The following NDRG4 variants were observed in gnomAD, a reference collection of about 807,000 sequenced individuals.
NDRG4 encodes protein NDRG4.
NDRG4 carries 38 observed loss-of-function variants against 55.8 expected under a neutral mutation model. The ratio of observed to expected loss-of-function variants is 0.68; its 90% confidence interval spans 0.53 to 0.89. NDRG4 has a LOEUF of 0.89. NDRG4 is among the 40% of genes least tolerant of loss of function. NDRG4 has a pLI of 0.00. For synonymous variants in NDRG4, 190 were observed against 182.7 expected (o/e 1.04, Z -0.32); for missense variants, 455 against 468.6 (o/e 0.97, Z 0.27).
intron 13 of NDRG4, 67 bp from the exon 14 acceptor site, chr16:58,510,578 C>T: frequency 7.3e-7 from 1 of 1,373,384 alleles, no homozygotes; most frequent in South Asian, 1.2e-5. Context: ...ACTCAGCGGA[C>T]CACGCTCTTC....
At chr16:58,500,139 C>T, upstream of NDRG4, 2 of 1,534,802 alleles carry the variant, frequency 1.3e-6, no homozygotes, top group South Asian at 1.2e-5. Context: ...AGCTGTGCCC[C>T]ATCACAGAGC....
intron 1 of NDRG4, among the ~76,000 whole-genome samples, chr16:58,465,962 GCCACTGAACTTGTTAACCC>G: frequency 6.6e-6 from 1 of 152,172 alleles, no homozygotes; most frequent in Non-Finnish European, 1.5e-5. Flanking sequence ...AACCGCGCAG[GCCACTGAACTTGTTAACCC>G]CCTGGAGGGA....
chr16:58,475,727 G>T (rs2033532700), intron 1 of NDRG4: 1 of 449,670 alleles, frequency 2.2e-6, no homozygotes, highest in Admixed American at 2.4e-5. Flanking sequence ...GCCTAAAATG[G>T]CTGTTCAAGC....
At chr16:58,496,769 G>A (rs1474494561), upstream of NDRG4, 1 of 152,218 alleles carries the variant, frequency 6.6e-6, no homozygotes, top group African/African-American at 2.4e-5. Flanking sequence ...GTGGCCACCA[G>A]AGTGTGGAGT....
At chr16:58,475,759 C>T in intron 1 of NDRG4, 1 of 421,722 alleles carries the variant, frequency 2.4e-6, no homozygotes, top group South Asian at 1.7e-5. Flanking sequence ...CATCTGTATT[C>T]CAGCCAGGAG....
chr16:58,489,732 C>G (rs1372600905), intron 2 of NDRG4, among the ~76,000 whole-genome samples: 1 of 152,150 alleles, frequency 6.6e-6, no homozygotes, highest in Admixed American at 6.5e-5. Context: ...GTGGAAGCCA[C>G]AGATGGTGAT....
chr16:58,506,828 G>A, intron 7 of NDRG4, 84 bp from the exon 8 acceptor site: 1 of 1,365,438 alleles, frequency 7.3e-7, no homozygotes, highest in Non-Finnish European at 1.0e-6. Context: ...GGGCCACTCT[G>A]GCAGTGACAT....
chr16:58,513,828 C>T (rs2151870044), downstream of NDRG4, among the ~76,000 whole-genome samples: 1 of 152,150 alleles, frequency 6.6e-6, no homozygotes, highest in African/African-American at 2.4e-5. Context: ...CATGGTGGCG[C>T]GTGCCTGTAA....
chr16:58,464,395 G>T lies in NDRG4; in HGVS notation c.-24+598G>T. 7.3e-7 allele frequency: 1 copy of T among 1,368,048 alleles called. No individual in the cohort carries two copies. 84.7% of individuals were successfully genotyped at this position (1,368,048 alleles called of 1,614,324 possible). A position where few individuals can be genotyped will look rare whatever the true frequency, so the allele number is the denominator to read the frequency against. On this transcript the variant is annotated intron_variant, in intron 1 of 15. Transcript: ENST00000258187. The surrounding 1 kb of genome is among the most constrained non-coding windows in gnomAD (Gnocchi z 4.8). The stretch of plus-strand genomic sequence containing the variant: ...GCTCGGCCGAGCGCGCTGCCCCGAC[G>T]CCGCCACCCAGAGCCGGGCCGCGCC...
intron 12 of NDRG4, 52 bp from the exon 13 acceptor site, chr16:58,509,249 C>T: frequency 5.0e-6 from 8 of 1,613,844 alleles, no homozygotes; most frequent in Non-Finnish European, 6.8e-6. Flanking sequence ...TCTACCCTAC[C>T]TGCTAATCCT....
rs1361913241 is a variant in NDRG4, at chr16:58,492,543, TGTGTGTGTGA to T, written c.73-2419_73-2410del. 3.3e-3 allele frequency among the ~76,000 whole-genome samples: 205 copies of T among 61,522 alleles called. 2 individuals are homozygous for T. The highest frequency in any genetic ancestry group is 5.3e-3 in the Non-Finnish European group (163 of 31,012). 40.4% of individuals were successfully genotyped at this position (61,522 alleles called of 152,430 possible). On this transcript the variant is annotated intron_variant, in intron 2 of 15. Transcript: ENST00000258187. ...GTGTGTGTGTGTGTGTGTGTGTGTG[TGTGTGTGTGA>T]GAGACAGACAGACAGTCTCGCCCTG... is the stretch of plus-strand genomic sequence containing the variant.
chr16:58,506,254 G>A, intron 5 of NDRG4, 133 bp from the exon 6 acceptor site: 1 of 818,456 alleles, frequency 1.2e-6, no homozygotes, highest in Non-Finnish European at 2.1e-6. Flanking sequence ...GGGGCATCTG[G>A]ACATGGGTGT....
chr16:58,493,180 C>T (rs1302831004), intron 2 of NDRG4, among the ~76,000 whole-genome samples: 1 of 152,220 alleles, frequency 6.6e-6, no homozygotes. Context: ...CATTTTCCTC[C>T]TTGTACTTAC....
rs377508791 is a variant in NDRG4, at chr16:58,509,355, G to A, written c.865+3G>A. Reference sequence around the variant, plus strand: ...CTTCCTGCAAGGCATGGGCTACAGTGAGTACATTTCCACCCCACCCCACAC... The same window carrying A: ...CTTCCTGCAAGGCATGGGCTACAGTAAGTACATTTCCACCCCACCCCACAC... On this transcript the variant is annotated splice_donor_region_variant and intron_variant, in intron 13 of 14. Transcript: ENST00000570248. 22 of 1,613,342 alleles carry A rather than the reference G, an allele frequency of 1.4e-5. No homozygotes were observed. Among genetic ancestry groups the A allele is most frequent in the Middle Eastern group, 1.6e-4 (1 of 6,076 alleles).
chr16:58,501,298 ACCGGCGCAAAGC>A lies in NDRG4; in HGVS notation c.21+1035_21+1046del, dbSNP rs139743652. 1,525 of 384,764 alleles carry A rather than the reference ACCGGCGCAAAGC, an allele frequency of 4.0e-3. 18 individuals are homozygous for A. Among genetic ancestry groups the A allele is most frequent in the African/African-American group, 0.024 (1,175 of 48,310 alleles). 23.8% of individuals were successfully genotyped at this position (384,764 alleles called of 1,614,324 possible). A position where few individuals can be genotyped will look rare whatever the true frequency, so the allele number is the denominator to read the frequency against. On this transcript the variant is annotated intron_variant, in intron 1 of 14. Transcript: ENST00000570248. ...CAGCACCACCAGCACCAACTCCCAC[ACCGGCGCAAAGC>A]CCGGCTCAAAGCCCCACTCCCCTCC...
chr16:58,488,224 C>G (rs2035352338), intron 2 of NDRG4, among the ~76,000 whole-genome samples: 1 of 152,226 alleles, frequency 6.6e-6, no homozygotes, highest in Non-Finnish European at 1.5e-5. Flanking sequence ...GCAGGGCATG[C>G]TGCTCCTCCG....
At chr16:58,496,270 CT>C (rs367764889), upstream of NDRG4, among the ~76,000 whole-genome samples, 62 of 152,168 alleles carry the variant, frequency 4.1e-4, 1 homozygote, top group East Asian at 9.5e-3. Flanking sequence ...CCTCTGGCCC[CT>C]GAGCCCTCTG....
chr16:58,483,662 A>C (rs2034736963), intron 1 of NDRG4, among the ~76,000 whole-genome samples: 1 of 152,240 alleles, frequency 6.6e-6, no homozygotes, highest in Non-Finnish European at 1.5e-5. Context: ...AAGAGGAAAA[A>C]CACAAAAAAC....
chr16:58,474,116 A>T (rs1458716418), intron 1 of NDRG4, among the ~76,000 whole-genome samples: 1 of 139,326 alleles, frequency 7.2e-6, no homozygotes, highest in African/African-American at 2.8e-5. Context: ...AGCTCACTGC[A>T]ACCTCTGCCT....
Sources: allele counts gnomAD v4.1 joint callset (sites outside exome capture counted in the v4.1 genomes callset), GRCh38; gene constraint gnomAD v4.1.1; non-coding constraint Gnocchi (gnomAD v3.1); transcripts MANE v1.5; gene names NCBI Gene and HGNC (gene_info 2026-07-23, HGNC 2026-07-21).